The following ARHGEF7 variants were observed in gnomAD, a reference collection of about 807,000 sequenced individuals.
ARHGEF7 encodes the protein Rho guanine nucleotide exchange factor 7, also known as PAK-interacting exchange factor beta.
A neutral mutation model predicts 109.8 loss-of-function variants in ARHGEF7; 33 were observed. That is an observed-to-expected ratio of 0.30 (90% CI 0.23 to 0.40). The LOEUF (loss-of-function observed/expected upper bound fraction) is 0.40. Ranked by LOEUF, ARHGEF7 falls within the 10% of genes least tolerant of loss-of-function variation. The pLI is 1.00. For synonymous variants in ARHGEF7, 458 were observed against 424.6 expected, an observed-to-expected ratio of 1.08 and a Z score of -0.97; for missense variants, 938 against 1,098.5, an observed-to-expected ratio of 0.85 and a Z score of 2.07.
At chr13:111,154,013 C>T in intron 2 of ARHGEF7, 22 bp downstream of exon 2, 1 of 1,590,236 alleles carries the variant, frequency 6.3e-7, no homozygotes, top group Non-Finnish European at 8.5e-7. Context: ...CGGCCACGGG[C>T]CGAGGGAGGG....
chr13:111,181,627 G>C (rs557857581), intron 2 of ARHGEF7, among the ~76,000 whole-genome samples: 2 of 152,286 alleles, frequency 1.3e-5, no homozygotes, highest in East Asian at 3.9e-4. Context: ...TCTTGAGCTG[G>C]GTGCCTTGCC....
At chr13:111,134,626 T>C (rs1207517259) in intron 1 of ARHGEF7, among the ~76,000 whole-genome samples, 1 of 152,224 alleles carries the variant, frequency 6.6e-6, no homozygotes, top group South Asian at 2.1e-4. Flanking sequence ...CTTCACCCAC[T>C]TTTTGATGGG....
At chr13:111,245,183 C>T (rs1243591768) in intron 8 of ARHGEF7, among the ~76,000 whole-genome samples, 1 of 152,094 alleles carries the variant, frequency 6.6e-6, no homozygotes, top group Non-Finnish European at 1.5e-5. Context: ...GAGCATACTT[C>T]TCAGATGTAA....
At chr13:111,153,859 C>A (rs771119233) in intron 1 of ARHGEF7, 46 bp from the exon 2 acceptor site, 1 of 1,575,170 alleles carries the variant, frequency 6.3e-7, no homozygotes, top group African/African-American at 1.4e-5. Context: ...TCCGCGGCGT[C>A]CCCGCTGCCG....
chr13:111,283,817 A>C (rs1422394169), intron 16 of ARHGEF7, among the ~76,000 whole-genome samples: 1 of 152,160 alleles, frequency 6.6e-6, no homozygotes, highest in African/African-American at 2.4e-5. Context: ...AACATTTACT[A>C]ATACAAATGA....
chr13:111,134,730 C>G (rs1050211567), intron 1 of ARHGEF7, among the ~76,000 whole-genome samples: 1 of 152,012 alleles, frequency 6.6e-6, no homozygotes, highest in Non-Finnish European at 1.5e-5. Context: ...AAATTTTCTT[C>G]CATTCTGTAG....
intron 16 of ARHGEF7, among the ~76,000 whole-genome samples, chr13:111,285,350 C>T (rs1366460083): frequency 3.9e-5 from 6 of 152,192 alleles, no homozygotes; most frequent in African/African-American, 1.2e-4. Context: ...CTTGGTCTCG[C>T]GTTTAGCATT....
chr13:111,136,215 T>A (rs947046765), intron 1 of ARHGEF7, among the ~76,000 whole-genome samples: 1 of 152,176 alleles, frequency 6.6e-6, no homozygotes, highest in Non-Finnish European at 1.5e-5. Flanking sequence ...TTATTGAGGA[T>A]TTTTGCATCA....
At chr13:111,172,124 C>T (rs1056678584) in intron 2 of ARHGEF7, among the ~76,000 whole-genome samples, 4 of 152,214 alleles carry the variant, frequency 2.6e-5, no homozygotes, top group East Asian at 1.9e-4. Flanking sequence ...GTAATCTTGA[C>T]GAGGGGCTGG....
At chr13:111,123,340 C>T (rs953861008) in intron 1 of ARHGEF7, among the ~76,000 whole-genome samples, 1 of 152,200 alleles carries the variant, frequency 6.6e-6, no homozygotes, top group African/African-American at 2.4e-5. Flanking sequence ...CCACAGCCAG[C>T]CAACCTCAAA....
At position 111,244,238 on chromosome 13, in the gene ARHGEF7, A is replaced by G; in HGVS notation, c.894A>G (p.Leu298=). The G allele has an allele frequency of 2.5e-6, 4 of 1,609,864 alleles. No homozygotes were observed. Among genetic ancestry groups the G allele is most frequent in the East Asian group, 2.2e-5 (1 of 44,820 alleles). ...ACATTTCATATTTAATGGGAAATCT[A>G]GAAGAAATATGTTCTTTCCAGCAAA... The part of the protein sequence containing the change: ...SANISYLMGN[L]EEICSFQQML... Residue 298 remains leucine (L), a synonymous_variant, in exon 8 of 22, where the codon CTA becomes CTG. Coordinates refer to ENST00000646102, the MANE Select transcript of ARHGEF7 (RefSeq NM_001354046.2).
At chr13:111,212,826 C>T (rs1242123428) in intron 4 of ARHGEF7, among the ~76,000 whole-genome samples, 3 of 152,080 alleles carry the variant, frequency 2.0e-5, no homozygotes, top group Non-Finnish European at 2.9e-5. Context: ...TCTGGAAGTA[C>T]GTGTATCTTA....
At chr13:111,179,877 G>A (rs372163797) in intron 2 of ARHGEF7, among the ~76,000 whole-genome samples, 3 of 152,194 alleles carry the variant, frequency 2.0e-5, no homozygotes, top group African/African-American at 2.4e-5. Context: ...GGGTCCCAGC[G>A]GAAGGCACTT....
At chr13:111,301,147 C>T (rs932129813) in intron 20 of ARHGEF7, among the ~76,000 whole-genome samples, 2 of 152,126 alleles carry the variant, frequency 1.3e-5, no homozygotes, top group Admixed American at 1.3e-4. Flanking sequence ...CGAGTTTTCA[C>T]CCTGTTGGCC....
In ARHGEF7 at chr13:111,198,170, C is replaced by T. The variant is rs191177427; in HGVS notation, c.253-7119C>T. Among the ~76,000 whole-genome samples, 78 of 152,228 alleles carry T rather than the reference C, an allele frequency of 5.1e-4. 1 individual carries two copies. Among genetic ancestry groups the T allele is most frequent in the African/African-American group, 1.4e-3 (58 of 41,554 alleles). On this transcript the variant is annotated intron_variant, in intron 2 of 21. Coordinates refer to ENST00000646102, the MANE Select transcript of ARHGEF7 (RefSeq NM_001354046.2). ...TAGCCCTTTCCCAGAAAGCCTGACA[C>T]GCGTGTCTTTAGTCCGGTGGCTGTG...
At chr13:111,264,676 G>A (rs2091435633) in intron 8 of ARHGEF7, among the ~76,000 whole-genome samples, 1 of 152,234 alleles carries the variant, frequency 6.6e-6, no homozygotes, top group Non-Finnish European at 1.5e-5. Context: ...GAGGGAGAGA[G>A]ATGGACAGTT....
rs2075530296 is a variant in ARHGEF7, at chr13:111,145,215, T to C, written c.166-8690T>C. 6.6e-6 allele frequency among the ~76,000 whole-genome samples: 1 copy of C among 152,194 alleles called. No individual in the cohort carries two copies. The highest frequency in any genetic ancestry group is 1.5e-5 in the Non-Finnish European group (1 of 68,034). ...GCATTAGAATTCATTTAATCTGTCC[T>C]CTAGATTGTTTCCAATCGTTTGCCA... On this transcript the variant is annotated intron_variant, in intron 1 of 21. Coordinates refer to ENST00000646102, the MANE Select transcript of ARHGEF7 (RefSeq NM_001354046.2). This position sits in a 1 kb window ranked among gnomAD's most constrained non-coding sequence, Gnocchi z 4.3.
Position 111,129,196 on chromosome 13 carries a change from T to C in ARHGEF7, c.165+13505T>C, listed in dbSNP as rs117154168. On this transcript the variant is annotated intron_variant, in intron 1 of 21. Transcript: ENST00000646102. ...GAACTTTGATCTATACCTCTTAGTA[T>C]ACAAAAATTAACTAAAAATGAATCA... Among the ~76,000 whole-genome samples the C allele has an allele frequency of 3.4e-3, 524 of 152,270 alleles. 15 individuals are homozygous for C. The East Asian group carries it at 0.063, about 18-fold the overall frequency.
intron 11 of ARHGEF7, 24 bp downstream of exon 11, chr13:111,274,814 T>TC (rs779849312): frequency 7.7e-5 from 106 of 1,377,370 alleles, no homozygotes; most frequent in Middle Eastern, 1.9e-4. Flanking sequence ...CATATTGTTT[T>TC]CCCCCCCAGA....
Sources: gnomAD v4.1 joint callset for allele counts (sites outside exome capture counted in the v4.1 genomes callset) on GRCh38, gnomAD v4.1.1 for gene constraint, Gnocchi (gnomAD v3.1) non-coding constraint, MANE v1.5 for transcripts, NCBI Gene and HGNC (gene_info 2026-07-23, HGNC 2026-07-21) for gene names.